The following ABLIM2 variants were observed in gnomAD, a reference collection of about 807,000 sequenced individuals.
The protein encoded by ABLIM2 is actin binding LIM protein family member 2.
A neutral mutation model predicts 97.7 loss-of-function variants in ABLIM2; 53 were observed. That is an observed-to-expected ratio of 0.54 (90% CI 0.44 to 0.68). The LOEUF (loss-of-function observed/expected upper bound fraction) is 0.68. Among genes scored for constraint, ABLIM2 ranks in the 30% least tolerant of loss-of-function variants. The pLI, the probability that ABLIM2 is intolerant of heterozygous loss-of-function variation, is 0.00. For synonymous variants in ABLIM2, 361 were observed against 345.8 expected (o/e 1.04, Z -0.49); for missense variants, 835 against 867.2 (o/e 0.96, Z 0.47).
chr4:8,068,035 CCT>C lies in ABLIM2; in HGVS notation c.676-6983_676-6982del, dbSNP rs1203415429. 6.6e-6 allele frequency among the ~76,000 whole-genome samples: 1 copy of C among 152,140 alleles called. No homozygotes were observed. Among genetic ancestry groups the C allele is most frequent in the Non-Finnish European group, 1.5e-5 (1 of 68,008 alleles). ...TCAAAAATTAGAAGTGTCCTCATTC[CCT>C]GTGTCACCTCCTGTTGTCATTCCCA... On this transcript the variant is annotated intron_variant, in intron 6 of 20. Coordinates refer to ENST00000447017, the MANE Select transcript of ABLIM2 (RefSeq NM_001130083.2). The surrounding 1 kb of genome is among the most constrained non-coding windows in gnomAD (Gnocchi z 4.5).
chr4:8,097,140 G>T lies in ABLIM2; in HGVS notation c.297C>A (p.Gly99=), dbSNP rs1832050537. 1.2e-6 allele frequency: 2 copies of T among 1,611,508 alleles called. No individual in the cohort carries two copies. The highest frequency in any genetic ancestry group is 1.7e-6 in the Non-Finnish European group (2 of 1,179,154). ...CGAAGCAGTCGGGGTGGTAGGTCTT[G>T]CCCAGCGCCGACACCACCTCACCCT... ...FIEGEVVSAL[G]KTYHPDCFVC... is the part of the protein sequence containing the mutation. The change falls in exon 3 of 21, where the codon GGC becomes GGA. Residue 99 remains glycine (G), a synonymous_variant. Coordinates refer to ENST00000447017, the MANE Select transcript of ABLIM2 (RefSeq NM_001130083.2).
chr4:8,033,289 C>T lies in ABLIM2; in HGVS notation c.1047+2860G>A, dbSNP rs145390669. ...GGTGAGCAAGCATTGGGAAAGAGAA[C>T]GCCGTTCCCACAGCAGAGCGGGGAG... On this transcript the variant is annotated intron_variant, in intron 10 of 20. Coordinates refer to ENST00000447017, the MANE Select transcript of ABLIM2 (RefSeq NM_001130083.2). This position sits in a 1 kb window ranked among gnomAD's most constrained non-coding sequence, Gnocchi z 4.5. 3.3e-5 allele frequency among the ~76,000 whole-genome samples: 5 copies of T among 152,292 alleles called. No individual in the cohort carries two copies. Among genetic ancestry groups the T allele is most frequent in the East Asian group, 1.9e-4 (1 of 5,174 alleles).
Position 8,019,793 on chromosome 4 carries a change from G to C in ABLIM2, c.1370-122C>G. Reference sequence around the variant, plus strand: ...CACCCAGATTTAGAATCATCAGGCAGGAACTGGCACCCAGCGAGCGACAGA... The same window carrying C: ...CACCCAGATTTAGAATCATCAGGCACGAACTGGCACCCAGCGAGCGACAGA... On this transcript the variant is annotated intron_variant, in intron 13 of 20. Coordinates refer to ENST00000447017, the MANE Select transcript of ABLIM2 (RefSeq NM_001130083.2). This position sits in a 1 kb window ranked among gnomAD's most constrained non-coding sequence, Gnocchi z 4.3. The C allele has an allele frequency of 1.0e-6, 1 of 989,244 alleles. No individual in the cohort carries two copies. The highest frequency in any genetic ancestry group is 1.4e-5 in the South Asian group (1 of 69,894). 61.3% of individuals were successfully genotyped at this position (989,244 alleles called of 1,614,324 possible).
At position 7,967,049 on chromosome 4, in the gene ABLIM2, A is replaced by C. The variant is rs776481036; in HGVS notation, c.1879T>G (p.Phe627Val). 1.2e-6 allele frequency: 2 copies of C among 1,613,810 alleles called. No homozygotes were observed. The highest frequency in any genetic ancestry group is 2.2e-5 in the South Asian group (2 of 91,080). Residue 627 changes from phenylalanine to valine, a missense_variant, in exon 21 of 21, where the codon TTT (phenylalanine) becomes GTT (valine). Coordinates refer to ENST00000447017, the MANE Select transcript of ABLIM2 (RefSeq NM_001130083.2). ...CTCTTCCAGAGGGCCAGGCGGTCAA[A>C]CTCCTCGATGCTCATCCCAAACACT... ...QEVFGMSIEE[F>V]DRLALWKRND...
intron 2 of ABLIM2, among the ~76,000 whole-genome samples, chr4:8,100,362 T>G (rs1255260158): frequency 6.6e-6 from 1 of 152,180 alleles, no homozygotes; most frequent in Non-Finnish European, 1.5e-5. Context: ...TGTGTGACCT[T>G]GACCAAGTTA....
chr4:8,003,442 C>T lies in ABLIM2; in HGVS notation c.1618+4617G>A, dbSNP rs940861694. 2.6e-4 allele frequency among the ~76,000 whole-genome samples: 40 copies of T among 152,250 alleles called. No homozygotes were observed. The highest frequency in any genetic ancestry group is 6.8e-3 in the Middle Eastern group (2 of 294). ...GGTTCGCTTTCTACCCAATATACAT[C>T]GCTTTCACGCCAGCGGAAAGTCACA... On this transcript the variant is annotated intron_variant, in intron 16 of 20. Transcript: ENST00000447017. The surrounding 1 kb of genome is among the most constrained non-coding windows in gnomAD (Gnocchi z 4.2).
Position 8,112,508 on chromosome 4 carries a change from T to C in ABLIM2, c.11-5871A>G, listed in dbSNP as rs920577692. On this transcript the variant is annotated intron_variant, in intron 1 of 20. Transcript: ENST00000447017. This position sits in a 1 kb window ranked among gnomAD's most constrained non-coding sequence, Gnocchi z 4.2. ...CCTCTCCAAGGCTCAGAGACCAGACTTGCAGGCCGCAGGATGGAGGGGTCA... is the reference window on the plus strand; with the variant it reads ...CCTCTCCAAGGCTCAGAGACCAGACCTGCAGGCCGCAGGATGGAGGGGTCA... 6.6e-6 allele frequency among the ~76,000 whole-genome samples: 1 copy of C among 152,158 alleles called. No homozygotes were observed. Among genetic ancestry groups the C allele is most frequent in the Non-Finnish European group, 1.5e-5 (1 of 68,038 alleles).
In ABLIM2 at chr4:8,008,094, G is replaced by A. The variant is rs760959542; in HGVS notation, c.1583C>T (p.Pro528Leu). The change falls in exon 16 of 21, where the codon CCT (proline) becomes CTT (leucine). Residue 528 changes from proline to leucine, a missense_variant. Transcript: ENST00000447017. ...GCTGTCCCCTGCCATCCTTTGGAGA[G>A]GGTCTCTGTCGGTCCCGCTGCTGTG... ...LSHSSGTDRD[P>L]LQRMAGDSFH... 6.2e-7 allele frequency: 1 copy of A among 1,614,054 alleles called. No homozygotes were observed. The highest frequency in any genetic ancestry group is 1.7e-5 in the Admixed American group (1 of 60,036).
rs1006971023 is a variant in ABLIM2, at chr4:8,115,144, C to T, written c.11-8507G>A. ...TGTGTGCAGATGTGTGCAGATGAAA[C>T]TGATTATGGGAAAATACCTCAGGCT... On this transcript the variant is annotated intron_variant, in intron 1 of 20. Transcript: ENST00000447017. Among the ~76,000 whole-genome samples the T allele has an allele frequency of 7.2e-5, 11 of 152,304 alleles. No individual in the cohort carries two copies. The South Asian group carries it at 8.3e-4, about 11-fold the overall frequency.
chr4:7,983,660 A>ACTGCATG, intron 18 of ABLIM2, 106 bp from the exon 19 acceptor site: 1 of 1,385,594 alleles, frequency 7.2e-7, no homozygotes, highest in Non-Finnish European at 1.0e-6. Context: ...TCCCCCCTGC[A>ACTGCATG]GTCACCTGGG....
chr4:8,079,615 T>A (rs1818462534), intron 5 of ABLIM2, among the ~76,000 whole-genome samples: 1 of 151,880 alleles, frequency 6.6e-6, no homozygotes, highest in Admixed American at 6.6e-5. Context: ...TACAGAGAGG[T>A]CCCATGTACC....
chr4:8,038,209 T>G (rs1448537667), intron 9 of ABLIM2, among the ~76,000 whole-genome samples: 5 of 152,048 alleles, frequency 3.3e-5, no homozygotes, highest in Non-Finnish European at 5.9e-5. Context: ...CTTTTCACAA[T>G]GTAGAAGCCA....
chr4:7,994,002 G>A (rs1246854182), intron 16 of ABLIM2: 1 of 487,732 alleles, frequency 2.1e-6, no homozygotes, highest in Non-Finnish European at 4.1e-6. Flanking sequence ...CTCAGAGGTG[G>A]TGTGGTTGCA....
In ABLIM2 at chr4:8,128,262, T is replaced by C. The variant is rs564971580; in HGVS notation, c.11-21625A>G. On this transcript the variant is annotated intron_variant, in intron 1 of 20. Coordinates refer to ENST00000447017, the MANE Select transcript of ABLIM2 (RefSeq NM_001130083.2). The surrounding 1 kb of genome is among the most constrained non-coding windows in gnomAD (Gnocchi z 4.9). ...ATTTGGGGTCCGCCCTCATCCACAA[T>C]GACCTCATCTCCATCTTTACCATAA... 3.2e-4 allele frequency among the ~76,000 whole-genome samples: 48 copies of C among 152,312 alleles called. No homozygotes were observed. Among genetic ancestry groups the C allele is most frequent in the Admixed American group, 9.1e-4 (14 of 15,310 alleles).
rs946119919 is a variant in ABLIM2, at chr4:8,009,056, G to C, written c.1470C>G (p.Asn490Lys). Residue 490 changes from asparagine to lysine, a missense_variant, in exon 15 of 21, where the codon AAC becomes AAG. By Grantham distance (94) the Asn-to-Lys change is moderately conservative. Coordinates refer to ENST00000447017, the MANE Select transcript of ABLIM2 (RefSeq NM_001130083.2). ...DGEDGSLDQD[N>K]RKQKSSWLML... is the part of the protein sequence containing the mutation. Reference sequence around the variant, plus strand: ...ATCTGCTCCCTGGCATTACCTTCCTGTTATCCTGGTCCAAGCTTCCATCCT... The same window carrying C: ...ATCTGCTCCCTGGCATTACCTTCCTCTTATCCTGGTCCAAGCTTCCATCCT... The C allele has an allele frequency of 6.2e-7, 1 of 1,614,018 alleles. No homozygotes were observed. Among genetic ancestry groups the C allele is most frequent in the Non-Finnish European group, 8.5e-7 (1 of 1,179,898 alleles).
intron 1 of ABLIM2, among the ~76,000 whole-genome samples, chr4:8,134,544 G>A (rs773765985): frequency 2.1e-4 from 32 of 152,198 alleles, no homozygotes; most frequent in African/African-American, 6.3e-4. Context: ...CACATGCCCC[G>A]TCTGCCTCCT....
chr4:8,005,215 G>A lies in ABLIM2; in HGVS notation c.1618+2844C>T. 1 of 468,792 alleles carries A rather than the reference G, an allele frequency of 2.1e-6. No individual in the cohort carries two copies. Among genetic ancestry groups the A allele is most frequent in the Non-Finnish European group, 4.4e-6 (1 of 225,530 alleles). The allele number at this position is 468,792 out of a possible 1,614,324, so 29.0% of individuals were successfully genotyped here. On this transcript the variant is annotated intron_variant, in intron 16 of 20. Transcript: ENST00000447017. This position sits in a 1 kb window ranked among gnomAD's most constrained non-coding sequence, Gnocchi z 4.9. ...GTGCGCTCGCTCTGTCGGCGTCTCT[G>A]CCTCTCTCAGCTCCCTGCACGCTTC... is the stretch of plus-strand genomic sequence containing the variant.
Position 8,075,505 on chromosome 4 carries a change from T to A in ABLIM2, c.675+2123A>T, listed in dbSNP as rs1271191718. On this transcript the variant is annotated intron_variant, in intron 6 of 20. Transcript: ENST00000447017. This position sits in a 1 kb window ranked among gnomAD's most constrained non-coding sequence, Gnocchi z 4.4. ...TTCAGGAGCTCGAGACCAGCTTGGGTGACATAGTGAGACCCTGTCTCTACA... is the reference window on the plus strand; with the variant it reads ...TTCAGGAGCTCGAGACCAGCTTGGGAGACATAGTGAGACCCTGTCTCTACA... Among the ~76,000 whole-genome samples the A allele has an allele frequency of 2.0e-5, 3 of 151,934 alleles. No homozygotes were observed. Among genetic ancestry groups the A allele is most frequent in the Non-Finnish European group, 4.4e-5 (3 of 67,962 alleles).
At chr4:8,025,270 C>T (rs910206915) in intron 12 of ABLIM2, among the ~76,000 whole-genome samples, 2 of 152,136 alleles carry the variant, frequency 1.3e-5, no homozygotes, top group East Asian at 1.9e-4. Context: ...GCAATGTGGC[C>T]GGGGGAACCA....
Sources: allele counts gnomAD v4.1 joint callset (sites outside exome capture counted in the v4.1 genomes callset), GRCh38; gene constraint gnomAD v4.1.1; non-coding constraint Gnocchi (gnomAD v3.1); transcripts MANE v1.5; gene names NCBI Gene and HGNC (gene_info 2026-07-23, HGNC 2026-07-21).